The following PTPRN2 variants were observed in gnomAD, a reference collection of about 807,000 sequenced individuals.
PTPRN2 encodes protein tyrosine phosphatase receptor type N2.
In PTPRN2, 74 loss-of-function variants were observed where a neutral mutation model predicts 118.8. The observed-to-expected ratio is 0.62, with a 90% CI of 0.52 to 0.76. The LOEUF (loss-of-function observed/expected upper bound fraction) is 0.76. Ranked by LOEUF, PTPRN2 falls within the 30% of genes least tolerant of loss-of-function variation. PTPRN2 has a pLI of 0.00. For synonymous variants in PTPRN2, 641 were observed against 608.0 expected, an observed-to-expected ratio of 1.05 and a Z score of -0.80; for missense variants, 1,481 against 1,394.4, an observed-to-expected ratio of 1.06 and a Z score of -0.99.
intron 1 of PTPRN2, among the ~76,000 whole-genome samples, chr7:158,519,890 C>G (rs1823857328): frequency 6.6e-6 from 1 of 152,238 alleles, no homozygotes; most frequent in South Asian, 2.1e-4. Context: ...CAACACCCAT[C>G]TGTTCTCCTT....
At chr7:157,757,053 C>G (rs117454110) in intron 12 of PTPRN2, among the ~76,000 whole-genome samples, 2 of 152,164 alleles carry the variant, frequency 1.3e-5, no homozygotes, top group African/African-American at 4.8e-5. Context: ...GAAAAGCAAA[C>G]GGGCAGTGGA....
intron 3 of PTPRN2, among the ~76,000 whole-genome samples, chr7:158,277,635 G>A (rs1439857397): frequency 6.6e-6 from 1 of 152,200 alleles, no homozygotes; most frequent in African/African-American, 2.4e-5. Flanking sequence ...TGCACGAGGT[G>A]CACACGCAGG....
intron 11 of PTPRN2, among the ~76,000 whole-genome samples, chr7:158,042,425 C>T (rs1221908338): frequency 6.6e-6 from 1 of 152,182 alleles, no homozygotes; most frequent in Non-Finnish European, 1.5e-5. Context: ...GGGTAGGATC[C>T]ACGTCACTCT....
chr7:158,572,534 G>A (rs1828097308), intron 1 of PTPRN2, among the ~76,000 whole-genome samples: 2 of 152,146 alleles, frequency 1.3e-5, no homozygotes, highest in South Asian at 4.1e-4. Flanking sequence ...AGTCTCTGAG[G>A]CATACCAGGG....
intron 3 of PTPRN2, among the ~76,000 whole-genome samples, chr7:158,305,338 G>A (rs1801200623): frequency 6.6e-6 from 1 of 152,144 alleles, no homozygotes; most frequent in African/African-American, 2.4e-5. Context: ...AGAAAAAATA[G>A]GGATTCATTT....
chr7:158,243,484 T>C (rs1434339763), intron 3 of PTPRN2, among the ~76,000 whole-genome samples: 1 of 152,210 alleles, frequency 6.6e-6, no homozygotes, highest in Non-Finnish European at 1.5e-5. Flanking sequence ...GAAGAAATGC[T>C]CAGTGGAGAG....
intron 3 of PTPRN2, among the ~76,000 whole-genome samples, chr7:158,271,586 G>A (rs965957562): frequency 3.9e-5 from 6 of 152,190 alleles, no homozygotes; most frequent in African/African-American, 1.2e-4. Context: ...TTTAGTTTGT[G>A]CCAAATTTTA....
chr7:158,484,353 C>A (rs1335131187), intron 2 of PTPRN2, among the ~76,000 whole-genome samples: 3 of 152,046 alleles, frequency 2.0e-5, no homozygotes, highest in African/African-American at 7.2e-5. Context: ...GACTTATTTA[C>A]TTATTTATTT....
intron 3 of PTPRN2, among the ~76,000 whole-genome samples, chr7:158,296,189 C>A (rs999738828): frequency 6.6e-6 from 1 of 152,124 alleles, no homozygotes; most frequent in Non-Finnish European, 1.5e-5. Flanking sequence ...AACCCTGAGA[C>A]CCTAGCAGGC....
intron 10 of PTPRN2, among the ~76,000 whole-genome samples, chr7:158,107,194 T>C (rs1429478759): frequency 6.6e-6 from 1 of 152,076 alleles, no homozygotes; most frequent in Non-Finnish European, 1.5e-5. Context: ...GATCTTGCTG[T>C]CCACTGTACA....
At chr7:158,204,111 C>T (rs1476388769) in intron 4 of PTPRN2, among the ~76,000 whole-genome samples, 1 of 151,630 alleles carries the variant, frequency 6.6e-6, no homozygotes, top group African/African-American at 2.4e-5. Context: ...CCTCGGTGTG[C>T]GCCGCTTGCT....
chr7:157,613,714 C>T (rs891201926), intron 15 of PTPRN2, among the ~76,000 whole-genome samples: 5 of 152,222 alleles, frequency 3.3e-5, no homozygotes. Context: ...GTGCCAGAAT[C>T]GTCTCCCTAA....
chr7:158,523,176 G>A (rs903561223), intron 1 of PTPRN2, among the ~76,000 whole-genome samples: 5 of 152,126 alleles, frequency 3.3e-5, no homozygotes, highest in African/African-American at 1.2e-4. Context: ...AGTTGGAGGG[G>A]CCAGACGGGT....
At chr7:158,316,146 G>A (rs1205797212) in intron 3 of PTPRN2, among the ~76,000 whole-genome samples, 1 of 152,194 alleles carries the variant, frequency 6.6e-6, no homozygotes, top group Non-Finnish European at 1.5e-5. Context: ...CCCTGTGGAA[G>A]GGGTGGGGAA....
At chr7:158,242,083 C>T (rs543676974) in intron 3 of PTPRN2, among the ~76,000 whole-genome samples, 1 of 152,206 alleles carries the variant, frequency 6.6e-6, no homozygotes, top group Non-Finnish European at 1.5e-5. Context: ...GGCAGGTTCA[C>T]CCACCCGGTA....
intron 3 of PTPRN2, among the ~76,000 whole-genome samples, chr7:158,225,883 G>C (rs781056554): frequency 2.0e-5 from 3 of 147,034 alleles, no homozygotes; most frequent in Non-Finnish European, 4.5e-5. Context: ...GTATGACATG[G>C]GGAGGGAGGT....
At chr7:157,555,304 C>G (rs540470918) in intron 21 of PTPRN2, among the ~76,000 whole-genome samples, 1 of 152,150 alleles carries the variant, frequency 6.6e-6, no homozygotes, top group South Asian at 2.1e-4. Context: ...AAAATGTTAA[C>G]CATTAAACAA....
At chr7:157,931,313 G>A (rs1036587357) in intron 11 of PTPRN2, among the ~76,000 whole-genome samples, 1 of 152,246 alleles carries the variant, frequency 6.6e-6, no homozygotes, top group African/African-American at 2.4e-5. Flanking sequence ...GACTCATGCA[G>A]GATTCTTGGG....
intron 5 of PTPRN2, among the ~76,000 whole-genome samples, chr7:158,180,332 A>G (rs538104590): frequency 9.2e-5 from 14 of 152,274 alleles, no homozygotes; most frequent in African/African-American, 2.6e-4. Context: ...CCATTGGTCT[A>G]TGTGCCTACT....
Sources: gnomAD v4.1 joint callset for allele counts (sites outside exome capture counted in the v4.1 genomes callset) on GRCh38, gnomAD v4.1.1 for gene constraint, MANE v1.5 for transcripts, NCBI Gene and HGNC (gene_info 2026-07-23, HGNC 2026-07-21) for gene names.